Variants in ADIPOR2 observed in about 807,000 individuals in gnomAD.
ADIPOR2 encodes the protein adiponectin receptor protein 2.
ADIPOR2 carries 18 observed loss-of-function variants against 40.9 expected under a neutral mutation model. The ratio of observed to expected loss-of-function variants is 0.44; its 90% CI spans 0.30 to 0.65. The LOEUF (loss-of-function observed/expected upper bound fraction) is 0.65, where lower values mean the gene tolerates loss of function less well. Among genes scored for constraint, ADIPOR2 ranks in the 30% least tolerant of loss-of-function variants. The probability of loss-of-function intolerance (pLI) is 0.09; values close to 1 mark genes in which losing one functional copy is unlikely to be tolerated. For synonymous variants in ADIPOR2, 165 were observed against 166.4 expected (o/e 0.99, Z 0.06); for missense variants, 283 against 479.2 (o/e 0.59, Z 3.82).
Position 1,777,952 on chromosome 12 carries a change from T to C in ADIPOR2, c.390T>C (p.Pro130=). The part of the protein sequence containing the change: ...FLLHGHRPPM[P]SFRACFKSIF... ...TGCATGGACACCGGCCTCCTATGCC[T>C]TCTTTCCGGGCCTGTTTTAAGAGCA... The change falls in exon 4 of 8, where the codon CCT becomes CCC. Residue 130 remains proline, a synonymous_variant. Coordinates refer to ENST00000357103, the MANE Select transcript of ADIPOR2 (RefSeq NM_024551.3). The C allele has an allele frequency of 6.2e-7, 1 of 1,614,150 alleles. No homozygotes were observed. The highest frequency in any genetic ancestry group is 1.6e-4 in the Middle Eastern group (1 of 6,062).
intron 1 of ADIPOR2, among the ~76,000 whole-genome samples, chr12:1,715,472 A>G (rs1432047033): frequency 1.2e-4 from 18 of 152,104 alleles, no homozygotes; most frequent in Admixed American, 1.2e-3. Flanking sequence ...ATCTGAAAGA[A>G]AAAACCTCCT....
chr12:1,763,330 C>T (rs527246104), intron 2 of ADIPOR2, among the ~76,000 whole-genome samples: 1 of 152,318 alleles, frequency 6.6e-6, no homozygotes, highest in South Asian at 2.1e-4. Context: ...GTAGGAATTA[C>T]ATCAGGGTAA....
chr12:1,787,399 C>A lies in ADIPOR2; in HGVS notation c.*1327C>A, dbSNP rs995900662. 6.6e-6 allele frequency: 1 copy of A among 152,182 alleles called. No homozygotes were observed. The allele number at this position is 152,182 out of a possible 1,614,324, so 9.4% of individuals were successfully genotyped here. ...AGAACTCTTAAAGCCAGTTGTAGTA[C>A]GGAGTTGTCAGCACTCACTGAACCT... On this transcript the variant is annotated 3_prime_UTR_variant, in exon 8 of 8. Coordinates refer to ENST00000357103, the MANE Select transcript of ADIPOR2 (RefSeq NM_024551.3).
At chr12:1,770,193 A>T (rs535951892) in intron 2 of ADIPOR2, among the ~76,000 whole-genome samples, 32 of 152,308 alleles carry the variant, frequency 2.1e-4, no homozygotes, top group Non-Finnish European at 4.7e-4. Context: ...CAGTAGTCTT[A>T]TATGTAACCA....
At chr12:1,701,571 T>G (rs1270487214) in intron 1 of ADIPOR2, among the ~76,000 whole-genome samples, 1 of 152,238 alleles carries the variant, frequency 6.6e-6, no homozygotes, top group Non-Finnish European at 1.5e-5. Context: ...TTTTGATTTA[T>G]ATGAAACTGC....
intron 1 of ADIPOR2, among the ~76,000 whole-genome samples, chr12:1,709,610 CATTTGGATTTT>C (rs561747112): frequency 3.4e-4 from 52 of 152,130 alleles, no homozygotes; most frequent in African/African-American, 1.2e-3. Context: ...CGTAGAAGTA[CATTTGGATTTT>C]ATGGTAAAAT....
At chr12:1,728,259 C>A (rs2094711996) in intron 1 of ADIPOR2, among the ~76,000 whole-genome samples, 1 of 151,726 alleles carries the variant, frequency 6.6e-6, no homozygotes, top group Non-Finnish European at 1.5e-5. Context: ...ATTGCAGGCA[C>A]CTGCCACCAC....
intron 1 of ADIPOR2, among the ~76,000 whole-genome samples, chr12:1,695,025 T>TTG (rs1167247036): frequency 5.6e-5 from 7 of 124,112 alleles, no homozygotes; most frequent in African/African-American, 8.6e-5. Context: ...TTTTTTTTTT[T>TTG]TTGTTTTGTT....
chr12:1,757,235 C>T, intron 2 of ADIPOR2: 1 of 532,660 alleles, frequency 1.9e-6, no homozygotes, highest in Non-Finnish European at 3.4e-6. Context: ...ACCATTTCAC[C>T]CACTGCTCTG....
intron 1 of ADIPOR2, among the ~76,000 whole-genome samples, chr12:1,746,130 G>A (rs2094754492): frequency 2.0e-5 from 3 of 152,164 alleles, no homozygotes; most frequent in Admixed American, 2.0e-4. Context: ...AAAGTGAAAG[G>A]ACTGAAAGAG....
chr12:1,787,734 GA>G lies in ADIPOR2; in HGVS notation c.*1664del, dbSNP rs1862868068. On this transcript the variant is annotated 3_prime_UTR_variant, in exon 8 of 8. Coordinates refer to ENST00000357103, the MANE Select transcript of ADIPOR2 (RefSeq NM_024551.3). Reference sequence around the variant, plus strand: ...ACTGGCGTCCTCAGTAGGTGTTTGGGAATATGGGAAGGGTCTCCTATTTATT... The same window carrying G: ...ACTGGCGTCCTCAGTAGGTGTTTGGGATATGGGAAGGGTCTCCTATTTATT... 6.6e-6 allele frequency: 1 copy of G among 152,234 alleles called. No individual in the cohort carries two copies. Among genetic ancestry groups the G allele is most frequent in the Non-Finnish European group, 1.5e-5 (1 of 68,058 alleles). The allele number at this position is 152,234 out of a possible 1,614,324, so 9.4% of individuals were successfully genotyped here.
chr12:1,735,126 G>A (rs950678272), intron 1 of ADIPOR2, among the ~76,000 whole-genome samples: 2 of 152,136 alleles, frequency 1.3e-5, no homozygotes, highest in African/African-American at 2.4e-5. Context: ...TTCGAATTCT[G>A]TGAAGAAAGT....
chr12:1,728,981 T>TTA (rs1491145115), intron 1 of ADIPOR2, among the ~76,000 whole-genome samples: 20 of 117,782 alleles, frequency 1.7e-4, no homozygotes, highest in Admixed American at 7.0e-4. Flanking sequence ...TTTTTTTTTT[T>TTA]AACAAGACAG....
chr12:1,752,613 C>T lies in ADIPOR2; in HGVS notation c.-86-1645C>T, dbSNP rs142313807. On this transcript the variant is annotated intron_variant, in intron 1 of 7. Coordinates refer to ENST00000357103, the MANE Select transcript of ADIPOR2 (RefSeq NM_024551.3). Reference sequence around the variant, plus strand: ...TCAGAAACTGGGTATAACACAGCTGCTTCTCTTTGAATCCTAATGACCTTG... The same window carrying T: ...TCAGAAACTGGGTATAACACAGCTGTTTCTCTTTGAATCCTAATGACCTTG... Among the ~76,000 whole-genome samples, 560 of 152,256 alleles carry T rather than the reference C, an allele frequency of 3.7e-3. 5 individuals carry two copies. The highest frequency in any genetic ancestry group is 3.8e-3 in the Non-Finnish European group (261 of 68,012).
chr12:1,756,446 G>GGCC (rs1862133805), intron 2 of ADIPOR2, among the ~76,000 whole-genome samples: 1 of 142,782 alleles, frequency 7.0e-6, no homozygotes, highest in Non-Finnish European at 1.5e-5. Context: ...CACTGTGCCT[G>GGCC]GCCTTCTTTT....
chr12:1,698,234 G>A (rs1338719893), intron 1 of ADIPOR2, among the ~76,000 whole-genome samples: 1 of 147,682 alleles, frequency 6.8e-6, no homozygotes, highest in African/African-American at 2.5e-5. Context: ...GTGTGTGTGT[G>A]TGTGTATTTT....
At chr12:1,763,354 G>A (rs922552353) in intron 2 of ADIPOR2, among the ~76,000 whole-genome samples, 1 of 152,214 alleles carries the variant, frequency 6.6e-6, no homozygotes, top group African/African-American at 2.4e-5. Context: ...TGGGCCTAGA[G>A]GAGGTGGGTG....
At chr12:1,738,322 A>G (rs2061617475) in intron 1 of ADIPOR2, among the ~76,000 whole-genome samples, 1 of 150,944 alleles carries the variant, frequency 6.6e-6, no homozygotes, top group African/African-American at 2.5e-5. Flanking sequence ...TTGAGGCTGC[A>G]GTATGAGCTG....
Position 1,788,393 on chromosome 12 carries a change from C to T in ADIPOR2, c.*2321C>T, listed in dbSNP as rs759691170. On this transcript the variant is annotated 3_prime_UTR_variant, in exon 8 of 8. Transcript: ENST00000357103. ...CAGGTTGGCGCCTGAATGCCTTACT[C>T]TCAGCAGTCAGAGGCTTGCTTGCTC... 3 of 152,676 alleles carry T rather than the reference C, an allele frequency of 2.0e-5. No homozygotes were observed. The highest frequency in any genetic ancestry group is 4.4e-5 in the Non-Finnish European group (3 of 68,058). 9.5% of individuals were successfully genotyped at this position (152,676 alleles called of 1,614,324 possible). A position where few individuals can be genotyped will look rare whatever the true frequency, so the allele number is the denominator to read the frequency against.
Sources: gnomAD v4.1 joint callset for allele counts (sites outside exome capture counted in the v4.1 genomes callset) on GRCh38, gnomAD v4.1.1 for gene constraint, MANE v1.5 for transcripts, NCBI Gene and HGNC (gene_info 2026-07-23, HGNC 2026-07-21) for gene names.